The following RADIL variants were observed in gnomAD, a reference collection of about 807,000 sequenced individuals.
RADIL encodes the protein Rap associating with DIL domain.
Under a neutral mutation model 97.6 loss-of-function variants are expected in RADIL, and 99 were observed. That is an observed-to-expected ratio of 1.01 (90% CI 0.86 to 1.20). The LOEUF (loss-of-function observed/expected upper bound fraction) is 1.20. Among genes scored for constraint, RADIL ranks in the 50% most tolerant of loss-of-function variants. The pLI is 0.00. For synonymous variants in RADIL, 803 were observed against 691.8 expected (o/e 1.16, Z -2.52); for missense variants, 1,765 against 1,498.9 (o/e 1.18, Z -2.93).
intron 2 of RADIL, among the ~76,000 whole-genome samples, chr7:4,841,819 A>C (rs1783446523): frequency 6.6e-6 from 1 of 152,348 alleles, no homozygotes; most frequent in Non-Finnish European, 1.5e-5. Flanking sequence ...CTGTAATCCC[A>C]GCACTTTGGG....
At chr7:4,836,276 C>T in intron 3 of RADIL, 82 bp downstream of exon 3, 2 of 1,538,624 alleles carry the variant, frequency 1.3e-6, no homozygotes, top group Non-Finnish European at 1.8e-6. Context: ...GGGCTAAAGG[C>T]AGGCGGAGGC....
chr7:4,850,302 T>C (rs1783678160), intron 2 of RADIL, among the ~76,000 whole-genome samples: 2 of 144,590 alleles, frequency 1.4e-5, no homozygotes. Context: ...TGCAGAATAA[T>C]ATAAGCACAG....
chr7:4,823,262 C>T (rs907473068), intron 5 of RADIL, among the ~76,000 whole-genome samples: 6 of 152,066 alleles, frequency 3.9e-5, no homozygotes, highest in African/African-American at 1.4e-4. Flanking sequence ...TCGAGACCAG[C>T]CTGGCCAACA....
chr7:4,806,626 G>T (rs1277452350), intron 9 of RADIL, among the ~76,000 whole-genome samples: 6 of 152,208 alleles, frequency 3.9e-5, no homozygotes, highest in Non-Finnish European at 5.9e-5. Flanking sequence ...CTCCCAGCCG[G>T]TTCTTATTTT....
intron 9 of RADIL, among the ~76,000 whole-genome samples, chr7:4,807,109 G>A (rs1252511935): frequency 6.6e-6 from 1 of 152,026 alleles, no homozygotes; most frequent in Admixed American, 6.5e-5. Context: ...ATGTGGCCTC[G>A]CTGCTGGGTC....
Position 4,867,960 on chromosome 7 carries a change from C to T in RADIL, c.535+9645G>A, listed in dbSNP as rs1784166483. Among the ~76,000 whole-genome samples the T allele has an allele frequency of 6.6e-6, 1 of 152,230 alleles. No individual in the cohort carries two copies. Among genetic ancestry groups the T allele is most frequent in the Admixed American group, 6.5e-5 (1 of 15,286 alleles). ...TTACTTGTTCCCCATATTGGTGAGA[C>T]GGCTGTCCTGCATTAGGCATTCGGT... On this transcript the variant is annotated intron_variant, in intron 2 of 14. Coordinates refer to ENST00000399583, the MANE Select transcript of RADIL (RefSeq NM_018059.5). This position sits in a 1 kb window ranked among gnomAD's most constrained non-coding sequence, Gnocchi z 4.1.
At chr7:4,804,727 C>T (rs1419087683) in intron 10 of RADIL, among the ~76,000 whole-genome samples, 1 of 151,774 alleles carries the variant, frequency 6.6e-6, no homozygotes, top group Non-Finnish European at 1.5e-5. Context: ...GTGGAGGTTC[C>T]AGTGAGCCAA....
rs751235328 is a variant in RADIL, at chr7:4,799,355, G to A, written c.*23C>T. ...CCAGGTGGGACCGGGTGCCGGGCCT[G>A]TGGGGGTGTCCTCGCAGCCCCCCTA... On this transcript the variant is annotated 3_prime_UTR_variant, in exon 15 of 15. Transcript: ENST00000399583. 5.6e-6 allele frequency: 9 copies of A among 1,610,396 alleles called. No individual in the cohort carries two copies. The Middle Eastern group carries it at 5.0e-4, about 89-fold the overall frequency.
Position 4,880,862 on chromosome 7 carries a change from C to T in RADIL, c.-64-2659G>A, listed in dbSNP as rs560660805. Among the ~76,000 whole-genome samples the T allele has an allele frequency of 2.6e-5, 4 of 152,154 alleles. No homozygotes were observed. The highest frequency in any genetic ancestry group is 5.9e-5 in the Non-Finnish European group (4 of 68,014). ...AAGCAGAGCCAAGTATTTAAAAGGC[C>T]AAGGCAGGAGAATGGCTTAAGGCCA... On this transcript the variant is annotated intron_variant, in intron 1 of 14. Transcript: ENST00000399583. This position sits in a 1 kb window ranked among gnomAD's most constrained non-coding sequence, Gnocchi z 4.5.
intron 2 of RADIL, among the ~76,000 whole-genome samples, chr7:4,875,478 G>A (rs1489623383): frequency 6.6e-6 from 1 of 152,122 alleles, no homozygotes; most frequent in Admixed American, 6.5e-5. Context: ...TACACTGGCA[G>A]TCGCCTATCA....
At position 4,799,682 on chromosome 7, in the gene RADIL, C is replaced by T; in HGVS notation, c.3070G>A (p.Asp1024Asn). The T allele has an allele frequency of 1.9e-6, 3 of 1,589,674 alleles. No individual in the cohort carries two copies. Among genetic ancestry groups the T allele is most frequent in the Non-Finnish European group, 2.6e-6 (3 of 1,169,436 alleles). The stretch of plus-strand genomic sequence containing the variant: ...CTGCCATTCACCTCCAGGATACGGT[C>T]CCCCAGCGACAGGCGCCCGTCGGCC... ...AAADGRLSLG[D>N]RILEVNGSSL... is the part of the protein sequence containing the mutation. The change falls in exon 14 of 15, where the codon GAC becomes AAC. Residue 1024 changes from aspartate (D) to asparagine (N), a missense_variant. Asp to Asn is a conservative substitution (Grantham distance 23, BLOSUM62 1). Coordinates refer to ENST00000399583, the MANE Select transcript of RADIL (RefSeq NM_018059.5).
At chr7:4,811,921 C>CTGGA (rs1782560075) in intron 9 of RADIL, among the ~76,000 whole-genome samples, 1 of 152,068 alleles carries the variant, frequency 6.6e-6, no homozygotes, top group Non-Finnish European at 1.5e-5. Flanking sequence ...GACGTCCAGG[C>CTGGA]TGGAGTGCAG....
chr7:4,856,244 G>T (rs886987709), intron 2 of RADIL, among the ~76,000 whole-genome samples: 3 of 151,940 alleles, frequency 2.0e-5, no homozygotes, highest in African/African-American at 7.3e-5. Context: ...GTACATGCTG[G>T]GACTACAGGT....
At chr7:4,802,890 GCCCCCTCCCC>G (rs1782155676) in intron 11 of RADIL, among the ~76,000 whole-genome samples, 14 of 102,486 alleles carry the variant, frequency 1.4e-4, no homozygotes, top group African/African-American at 6.7e-4. Flanking sequence ...TGGCTGGGGG[GCCCCCTCCCC>G]GGGCACCTCG....
chr7:4,836,134 G>A (rs1469010782), intron 3 of RADIL, among the ~76,000 whole-genome samples: 2 of 152,216 alleles, frequency 1.3e-5, no homozygotes, highest in Admixed American at 6.5e-5. Flanking sequence ...TTGGGGAAGT[G>A]AGGAGCCCCC....
At chr7:4,804,970 T>C (rs978407387) in intron 10 of RADIL, among the ~76,000 whole-genome samples, 24 of 151,942 alleles carry the variant, frequency 1.6e-4, no homozygotes, top group African/African-American at 5.3e-4. Flanking sequence ...GGCGGACACC[T>C]GTAATCCCAG....
intron 2 of RADIL, among the ~76,000 whole-genome samples, chr7:4,839,875 T>C (rs1327532929): frequency 1.3e-5 from 2 of 152,060 alleles, no homozygotes; most frequent in Admixed American, 1.3e-4. Context: ...GCCTCCCAAG[T>C]AACTGAGATT....
intron 2 of RADIL, among the ~76,000 whole-genome samples, chr7:4,866,602 A>G (rs1402867260): frequency 2.0e-5 from 3 of 152,204 alleles, no homozygotes; most frequent in Non-Finnish European, 4.4e-5. Flanking sequence ...AGCTGCTCAC[A>G]AAAGACAGCT....
chr7:4,801,620 T>C, intron 12 of RADIL, 33 bp downstream of exon 12: 5 of 1,555,630 alleles, frequency 3.2e-6, no homozygotes, highest in Non-Finnish European at 4.3e-6. Context: ...GGGTCTGGGG[T>C]GGGTTCCCGC....
Sources: allele counts gnomAD v4.1 joint callset (sites outside exome capture counted in the v4.1 genomes callset), GRCh38; gene constraint gnomAD v4.1.1; non-coding constraint Gnocchi (gnomAD v3.1); transcripts MANE v1.5; gene names NCBI Gene and HGNC (gene_info 2026-07-23, HGNC 2026-07-21).